Variants in PUDP observed in about 807,000 individuals in gnomAD.
The protein encoded by PUDP is pseudouridine-5'-phosphatase.
Under a neutral mutation model 9.4 loss-of-function variants are expected in PUDP, and 8 were observed. That is an observed-to-expected ratio of 0.85 (90% CI 0.50 to 1.53). The LOEUF is 1.53. Ranked by LOEUF, PUDP falls within the 40% of genes most tolerant of loss-of-function variation. PUDP has a pLI of 0.00. For synonymous variants in PUDP, 99 were observed against 80.7 expected (o/e 1.23, Z -1.22); for missense variants, 188 against 189.7 (o/e 0.99, Z 0.05).
intron 3 of PUDP, among the ~76,000 whole-genome samples, chrX:6,844,808 G>T (rs971317134): frequency 8.9e-6 from 1 of 112,269 alleles, no homozygotes; most frequent in African/African-American, 3.2e-5. Flanking sequence ...GAAAGGCTAA[G>T]AACCAGGGGA....
intron 1 of PUDP, among the ~76,000 whole-genome samples, chrX:7,039,132 T>C (rs1343557128): frequency 9.0e-6 from 1 of 110,575 alleles, no homozygotes; most frequent in Non-Finnish European, 1.9e-5. Flanking sequence ...GGTCTCCCTA[T>C]GTTGCCCAGG....
At chrX:7,105,575 C>T (rs1190540251) in intron 2 of PUDP, 45 bp downstream of exon 2, 2 of 969,747 alleles carry the variant, frequency 2.1e-6, no homozygotes, top group South Asian at 4.5e-5. Context: ...AAAACCATTG[C>T]TAATAGTCAC....
At chrX:6,801,779 C>T (rs1925938341) in intron 3 of PUDP, among the ~76,000 whole-genome samples, 1 of 111,721 alleles carries the variant, frequency 9.0e-6, no homozygotes, top group African/African-American at 3.3e-5. Context: ...ATGCAAAGGC[C>T]CTTTTCTGTG....
At chrX:6,858,248 G>A in intron 3 of PUDP, among the ~76,000 whole-genome samples, 1 of 111,084 alleles carries the variant, frequency 9.0e-6, no homozygotes, top group Non-Finnish European at 1.9e-5. Context: ...ATTCCATGGG[G>A]AGAGGGTACG....
At chrX:6,876,611 T>C (rs757979336) in intron 3 of PUDP, among the ~76,000 whole-genome samples, 8 of 104,404 alleles carry the variant, frequency 7.7e-5, no homozygotes, top group South Asian at 4.5e-4. Context: ...TCCTGGACCA[T>C]AGAACAAGAC....
intron 3 of PUDP, among the ~76,000 whole-genome samples, chrX:6,779,659 G>A (rs1925525069): frequency 8.9e-6 from 1 of 112,173 alleles, no homozygotes; most frequent in Non-Finnish European, 1.9e-5. Flanking sequence ...GTAGGGTGCA[G>A]TGGCTCATGC....
upstream of PUDP, among the ~76,000 whole-genome samples, chrX:6,726,233 T>C (rs1453603460): frequency 9.0e-6 from 1 of 111,590 alleles, no homozygotes; most frequent in Non-Finnish European, 1.9e-5. Flanking sequence ...GTACATATGT[T>C]AACAGTATAC....
intron 3 of PUDP, among the ~76,000 whole-genome samples, chrX:6,855,364 T>A (rs1926889667): frequency 8.9e-6 from 1 of 111,810 alleles, no homozygotes; most frequent in African/African-American, 3.3e-5. Context: ...CTGTTAATAG[T>A]TTAAGTTTTT....
At chrX:6,930,687 T>C (rs558815372) in intron 3 of PUDP, among the ~76,000 whole-genome samples, 2 of 99,601 alleles carry the variant, frequency 2.0e-5, no homozygotes, top group South Asian at 4.4e-4. Flanking sequence ...TGTTCCTTTC[T>C]TTCTTAATAA....
At chrX:6,902,065 G>A (rs903428647) in intron 3 of PUDP, among the ~76,000 whole-genome samples, 7 of 110,113 alleles carry the variant, frequency 6.4e-5, no homozygotes, top group Non-Finnish European at 7.6e-5. Context: ...TGTAAAGATG[G>A]CGGGGGGCGG....
intron 3 of PUDP, among the ~76,000 whole-genome samples, chrX:6,820,025 G>T (rs1468206469): frequency 1.9e-5 from 2 of 105,203 alleles, no homozygotes; most frequent in African/African-American, 7.1e-5. Flanking sequence ...TGACTGGGAA[G>T]AAAAACAGGT....
intron 1 of PUDP, among the ~76,000 whole-genome samples, chrX:6,981,399 A>C (rs1246368541): frequency 9.0e-6 from 1 of 111,639 alleles, no homozygotes; most frequent in African/African-American, 3.3e-5. Flanking sequence ...CTATATACTT[A>C]TTGCTATGGC....
At position 6,988,322 on chromosome X, in the gene PUDP, G is replaced by A. The variant is rs111362384; in HGVS notation, c.205-9979C>T. On this transcript the variant is annotated intron_variant and NMD_transcript_variant, in intron 1 of 3. Coordinates refer to the PUDP transcript ENST00000655425. ...CAGCCCCTAAACATGCATATTCCTG[G>A]ACCAAACCAATGGTCAGGCTGCTTA... Among the ~76,000 whole-genome samples, 454 of 111,197 alleles carry A rather than the reference G, an allele frequency of 4.1e-3. 3 individuals are homozygous for A. Among genetic ancestry groups the A allele is most frequent in the African/African-American group, 0.014 (438 of 30,559 alleles).
chrX:6,932,603 G>A (rs946918889), intron 3 of PUDP, among the ~76,000 whole-genome samples: 160 of 106,640 alleles, frequency 1.5e-3, no homozygotes, highest in South Asian at 4.7e-3. Flanking sequence ...TCACTAGGGA[G>A]CGCCAGACAG....
intron 3 of PUDP, among the ~76,000 whole-genome samples, chrX:6,883,427 C>A (rs1173640611): frequency 9.8e-6 from 1 of 101,657 alleles, no homozygotes. Context: ...GAGGCTGAGA[C>A]AAGAGAATCA....
intron 3 of PUDP, among the ~76,000 whole-genome samples, chrX:6,842,828 A>G (rs959380726): frequency 2.7e-5 from 3 of 112,382 alleles, no homozygotes; most frequent in African/African-American, 9.7e-5. Context: ...CCCCTCTTCC[A>G]ACAGTTTTTA....
chrX:7,068,002 T>C (rs1453767647), intron 3 of PUDP, among the ~76,000 whole-genome samples: 1 of 111,657 alleles, frequency 9.0e-6, no homozygotes, highest in Non-Finnish European at 1.9e-5. Flanking sequence ...CCGCCATGAT[T>C]GTGAGGCCTC....
At chrX:6,963,191 G>T (rs1344236408) in intron 3 of PUDP, among the ~76,000 whole-genome samples, 1 of 112,431 alleles carries the variant, frequency 8.9e-6, no homozygotes, top group African/African-American at 3.2e-5. Context: ...CAGTCAGCTG[G>T]AAGAAAGAGT....
chrX:6,741,395 A>C (rs1444708376), intron 3 of PUDP, among the ~76,000 whole-genome samples: 3 of 112,035 alleles, frequency 2.7e-5, no homozygotes, highest in African/African-American at 9.8e-5. Context: ...ATAGGAATTC[A>C]ATATATCTTT....
Sources: gnomAD v4.1 joint callset for allele counts (sites outside exome capture counted in the v4.1 genomes callset) on GRCh38, gnomAD v4.1.1 for gene constraint, MANE v1.5 for transcripts, NCBI Gene and HGNC (gene_info 2026-07-23, HGNC 2026-07-21) for gene names.